Variants in TBCK observed in about 807,000 individuals in gnomAD.
TBCK encodes the protein TBC domain-containing protein kinase-like protein.
In TBCK, 99 loss-of-function variants were observed where a neutral mutation model predicts 113.4. That is an observed-to-expected ratio of 0.87 (90% confidence interval 0.74 to 1.03). The LOEUF (loss-of-function observed/expected upper bound fraction) is 1.03, where lower values mean the gene tolerates loss of function less well. Ranked by LOEUF, TBCK falls within the 50% of genes least tolerant of loss-of-function variation. TBCK has a pLI of 0.00. For missense variants in TBCK, 1,045 were observed against 1,061.3 expected, an observed-to-expected ratio of 0.98 and a Z score of 0.21; for synonymous variants, 369 against 370.8, an observed-to-expected ratio of 1.00 and a Z score of 0.05.
intron 20 of TBCK, among the ~76,000 whole-genome samples, chr4:106,195,650 C>T (rs1244123545): frequency 6.6e-6 from 1 of 151,914 alleles, no homozygotes; most frequent in East Asian, 1.9e-4. Context: ...GAATGTGCCT[C>T]TTCTTTTCTA....
intron 25 of TBCK, among the ~76,000 whole-genome samples, chr4:106,086,053 C>T (rs1314667297): frequency 6.6e-6 from 1 of 151,852 alleles, no homozygotes; most frequent in Non-Finnish European, 1.5e-5. Context: ...GAGGCAAGAG[C>T]AAACTTATCC....
At chr4:106,157,865 A>G (rs1439346557) in intron 23 of TBCK, among the ~76,000 whole-genome samples, 2 of 152,126 alleles carry the variant, frequency 1.3e-5, no homozygotes, top group Non-Finnish European at 2.9e-5. Flanking sequence ...CAATTTGGCC[A>G]TCTTACTTTG....
chr4:106,171,323 T>A, intron 22 of TBCK, 53 bp from the exon 23 acceptor site: 1 of 1,375,418 alleles, frequency 7.3e-7, no homozygotes, highest in East Asian at 2.3e-5. Context: ...ATTGCTCTTT[T>A]AATGTAATAA....
chr4:106,056,967 CTT>C (rs776846668), intron 25 of TBCK, among the ~76,000 whole-genome samples: 4 of 151,792 alleles, frequency 2.6e-5, no homozygotes, highest in Non-Finnish European at 5.9e-5. Flanking sequence ...CATACATTAA[CTT>C]ATATTTACAT....
At chr4:106,145,596 C>A (rs544104675) in intron 23 of TBCK, among the ~76,000 whole-genome samples, 2 of 152,204 alleles carry the variant, frequency 1.3e-5, no homozygotes, top group African/African-American at 4.8e-5. Context: ...GTTGTTTATA[C>A]TATAATCTAT....
In TBCK at chr4:106,250,408, C is replaced by G; in HGVS notation, c.658+10G>C. On this transcript the variant is annotated intron_variant, in intron 7 of 25. Transcript: ENST00000394708. ...TATATTTGAAAGATAAGCAATTGTA[C>G]GACACTTACCCAAAGTAAGCAAAAA... 6.5e-7 allele frequency: 1 copy of G among 1,530,276 alleles called. No individual in the cohort carries two copies. Among genetic ancestry groups the G allele is most frequent in the South Asian group, 1.2e-5 (1 of 83,624 alleles). The allele number at this position is 1,530,276 out of a possible 1,614,324, so 94.8% of individuals were successfully genotyped here. A position where few individuals can be genotyped will look rare whatever the true frequency, so the allele number is the denominator to read the frequency against.
intron 25 of TBCK, among the ~76,000 whole-genome samples, chr4:106,071,098 T>C (rs1737374425): frequency 6.6e-6 from 1 of 152,186 alleles, no homozygotes; most frequent in Admixed American, 6.5e-5. Flanking sequence ...TCTATCTCCT[T>C]CAGTTCTGCT....
chr4:106,120,378 G>A (rs577911233), intron 23 of TBCK, among the ~76,000 whole-genome samples: 34 of 152,198 alleles, frequency 2.2e-4, no homozygotes, highest in African/African-American at 7.9e-4. Flanking sequence ...AGGCGGCAGC[G>A]AGGCTGGGGG....
Position 106,139,700 on chromosome 4 carries a change from G to A in TBCK, c.2236-23322C>T, listed in dbSNP as rs140822929. 9.3e-4 allele frequency among the ~76,000 whole-genome samples: 132 copies of A among 141,420 alleles called. 24 individuals carry two copies. The highest frequency in any genetic ancestry group is 4.4e-3 in the Admixed American group (63 of 14,336). The allele number at this position is 141,420 out of a possible 152,430, so 92.8% of individuals were successfully genotyped here. A position where few individuals can be genotyped will look rare whatever the true frequency, so the allele number is the denominator to read the frequency against. ...CCTTAAAACCAGAGATCATAGAGAT[G>A]TACTTTGAGTTTGTAATAGTATGAC... On this transcript the variant is annotated intron_variant, in intron 23 of 25. Coordinates refer to ENST00000394708, the MANE Select transcript of TBCK (RefSeq NM_001163435.3).
At chr4:106,115,035 T>A (rs1318296926) in intron 24 of TBCK, among the ~76,000 whole-genome samples, 1 of 152,142 alleles carries the variant, frequency 6.6e-6, no homozygotes, top group Non-Finnish European at 1.5e-5. Flanking sequence ...TAAGAATATA[T>A]CATTTGAAAT....
chr4:106,215,743 T>A (rs1241835442), intron 19 of TBCK, among the ~76,000 whole-genome samples: 1 of 151,138 alleles, frequency 6.6e-6, no homozygotes, highest in Admixed American at 6.6e-5. Context: ...ACAAAGAGAC[T>A]TAGACTCCCA....
chr4:106,093,905 TG>T (rs756164509), intron 25 of TBCK, among the ~76,000 whole-genome samples: 5 of 152,060 alleles, frequency 3.3e-5, no homozygotes, highest in Non-Finnish European at 7.4e-5. Context: ...ACTGTGGACT[TG>T]GGATGATAAT....
intron 3 of TBCK, among the ~76,000 whole-genome samples, chr4:106,274,270 G>A (rs1423465051): frequency 5.3e-5 from 8 of 152,176 alleles, no homozygotes; most frequent in Non-Finnish European, 1.0e-4. Context: ...AAGTGGTAGG[G>A]CTATCTTTGG....
At chr4:106,101,082 A>T (rs1410589583) in intron 24 of TBCK, among the ~76,000 whole-genome samples, 2 of 152,098 alleles carry the variant, frequency 1.3e-5, no homozygotes, top group Admixed American at 1.3e-4. Context: ...TATCTATTTT[A>T]GTTATAAGAC....
intron 23 of TBCK, among the ~76,000 whole-genome samples, chr4:106,157,789 G>A (rs1460554449): frequency 6.6e-6 from 1 of 152,068 alleles, no homozygotes; most frequent in East Asian, 1.9e-4. Flanking sequence ...TCTTATGAAG[G>A]TGCTTTGCTT....
chr4:106,230,052 C>A (rs925178715), intron 19 of TBCK, among the ~76,000 whole-genome samples: 38 of 152,038 alleles, frequency 2.5e-4, no homozygotes, highest in African/African-American at 8.7e-4. Flanking sequence ...AATGGACTTG[C>A]CCATGGTGAA....
chr4:106,309,440 G>A (rs1319073381), intron 1 of TBCK, among the ~76,000 whole-genome samples: 6 of 150,676 alleles, frequency 4.0e-5, no homozygotes, highest in Non-Finnish European at 5.9e-5. Context: ...AGCCTCCCGA[G>A]TAGAGGCACC....
chr4:106,277,048 T>G (rs2125767927), intron 3 of TBCK, among the ~76,000 whole-genome samples: 1 of 152,018 alleles, frequency 6.6e-6, no homozygotes. Context: ...ATTGAACAAA[T>G]ACATATGTGA....
intron 22 of TBCK, among the ~76,000 whole-genome samples, chr4:106,188,458 C>T (rs1753289100): frequency 6.6e-6 from 1 of 152,052 alleles, no homozygotes; most frequent in Non-Finnish European, 1.5e-5. Flanking sequence ...AAACCTAATG[C>T]CATCATTGGT....
Sources: gnomAD v4.1 joint callset for allele counts (sites outside exome capture counted in the v4.1 genomes callset) on GRCh38, gnomAD v4.1.1 for gene constraint, MANE v1.5 for transcripts, NCBI Gene and HGNC (gene_info 2026-07-23, HGNC 2026-07-21) for gene names.